The following CREBRF variants were observed in gnomAD, a reference collection of about 807,000 sequenced individuals.
CREBRF encodes the protein UPF0474 protein C5orf41.
Under a neutral mutation model 66.1 loss-of-function variants are expected in CREBRF, and 5 were observed. The observed-to-expected ratio is 0.08, with a 90% CI of 0.04 to 0.16. CREBRF has a LOEUF of 0.16. CREBRF is among the 10% of genes least tolerant of loss of function. The pLI is 1.00. For synonymous variants in CREBRF, 229 were observed against 264.4 expected (o/e 0.87, Z 1.30); for missense variants, 531 against 744.9 (o/e 0.71, Z 3.34).
rs1757040390 is a variant in CREBRF, at chr5:173,056,389, TAAAC to T, written c.-278_-275del. On this transcript the variant is annotated 5_prime_UTR_variant, in exon 1 of 9. Transcript: ENST00000296953. Reference sequence around the variant, plus strand: ...TTCCGGGAACCCGTCAGGAAGGACATAAACAAAACAAACCCGAGGCAGCATGGAG... The same window carrying T: ...TTCCGGGAACCCGTCAGGAAGGACATAAAACAAACCCGAGGCAGCATGGAG... 1 of 397,966 alleles carries T rather than the reference TAAAC, an allele frequency of 2.5e-6. No individual in the cohort carries two copies. Among genetic ancestry groups the T allele is most frequent in the Non-Finnish European group, 4.4e-6 (1 of 225,678 alleles). The allele number at this position is 397,966 out of a possible 1,614,324, so 24.7% of individuals were successfully genotyped here. A position where few individuals can be genotyped will look rare whatever the true frequency, so the allele number is the denominator to read the frequency against.
chr5:173,057,793 T>C (rs1006837216), intron 1 of CREBRF: 1 of 148,948 alleles, frequency 6.7e-6, no homozygotes, highest in Non-Finnish European at 1.5e-5. Flanking sequence ...CCGAGCAAGT[T>C]GAGGGCTGGG....
At chr5:173,082,935 A>G (rs981519786) in intron 2 of CREBRF, among the ~76,000 whole-genome samples, 1 of 143,022 alleles carries the variant, frequency 7.0e-6, no homozygotes, top group African/African-American at 2.6e-5. Flanking sequence ...AAAAAAAAAA[A>G]AAAAAAAAAA....
intron 7 of CREBRF, among the ~76,000 whole-genome samples, chr5:173,122,061 A>T (rs1189796151): frequency 6.6e-6 from 1 of 151,844 alleles, no homozygotes; most frequent in African/African-American, 2.4e-5. Flanking sequence ...ATACCCAGTA[A>T]TCTTGAGGGT....
intron 1 of CREBRF, among the ~76,000 whole-genome samples, chr5:173,068,907 GAA>G (rs761306299): frequency 2.2e-5 from 3 of 137,950 alleles, no homozygotes; most frequent in African/African-American, 5.3e-5. Flanking sequence ...CATCAGTACT[GAA>G]AAAAAAAAAA....
chr5:173,068,101 A>G (rs1018025224), intron 1 of CREBRF: 1 of 454,080 alleles, frequency 2.2e-6, no homozygotes, highest in Non-Finnish European at 4.4e-6. Flanking sequence ...TTTTATTAGC[A>G]TAATAACTTG....
intron 1 of CREBRF, among the ~76,000 whole-genome samples, chr5:173,066,002 G>C (rs1581657229): frequency 6.7e-6 from 1 of 150,116 alleles, no homozygotes; most frequent in Admixed American, 6.7e-5. Context: ...TATTTTTTTT[G>C]AGATGGGGTT....
At chr5:173,086,730 C>A in intron 3 of CREBRF, 104 bp downstream of exon 3, 2 of 943,920 alleles carry the variant, frequency 2.1e-6, no homozygotes, top group Non-Finnish European at 3.1e-6. Flanking sequence ...GTGCTTGGGC[C>A]AAGTTTGATT....
At chr5:173,124,131 T>G (rs1316170721) in intron 8 of CREBRF, 1 of 152,246 alleles carries the variant, frequency 6.6e-6, no homozygotes, top group Non-Finnish European at 1.5e-5. Flanking sequence ...TCTATATGTT[T>G]GGTAAGCTTA....
chr5:173,090,726 G>T lies in CREBRF; in HGVS notation c.547G>T (p.Ala183Ser). ...TAAAAAGATCACAAGCAGAGCAGCTGCTCCTGTGTGTTCTTCTAAGACTCT... is the reference window on the plus strand; with the variant it reads ...TAAAAAGATCACAAGCAGAGCAGCTTCTCCTGTGTGTTCTTCTAAGACTCT... ...PGKKITSRAA[A>S]PVCSSKTLQA... Residue 183 changes from alanine to serine, a missense_variant, in exon 4 of 9, where the codon GCT becomes TCT. Transcript: ENST00000296953. This position sits in a 1 kb window ranked among gnomAD's most constrained non-coding sequence, Gnocchi z 4.5. 6.2e-7 allele frequency: 1 copy of T among 1,614,136 alleles called. No homozygotes were observed. The highest frequency in any genetic ancestry group is 8.5e-7 in the Non-Finnish European group (1 of 1,180,012).
intron 1 of CREBRF, among the ~76,000 whole-genome samples, chr5:173,064,834 G>T (rs756867208): frequency 6.6e-6 from 1 of 152,066 alleles, no homozygotes; most frequent in Non-Finnish European, 1.5e-5. Context: ...AAAGTGCTGG[G>T]ATTACAGGTG....
chr5:173,114,759 C>T (rs1363098798), intron 7 of CREBRF, among the ~76,000 whole-genome samples: 1 of 152,178 alleles, frequency 6.6e-6, no homozygotes, highest in African/African-American at 2.4e-5. Flanking sequence ...TGTGTGAATC[C>T]TGTGGAAACT....
intron 7 of CREBRF, among the ~76,000 whole-genome samples, chr5:173,116,875 G>C (rs1190160533): frequency 6.6e-6 from 1 of 150,786 alleles, no homozygotes; most frequent in East Asian, 1.9e-4. Context: ...TTGGTCCACA[G>C]CCTTGCCAAC....
At chr5:173,093,731 TG>T (rs1758407235) in intron 4 of CREBRF, among the ~76,000 whole-genome samples, 1 of 152,204 alleles carries the variant, frequency 6.6e-6, no homozygotes, top group South Asian at 2.1e-4. Flanking sequence ...TGCCCAGGCA[TG>T]TCTTGAACTT....
At chr5:173,063,557 T>TG (rs1757345659) in intron 1 of CREBRF, among the ~76,000 whole-genome samples, 1 of 151,898 alleles carries the variant, frequency 6.6e-6, no homozygotes, top group Non-Finnish European at 1.5e-5. Context: ...TTAGTAGAGG[T>TG]GGGGTTTCGC....
chr5:173,056,514 G>A (rs1362981802), intron 1 of CREBRF, 35 bp downstream of exon 1: 11 of 398,100 alleles, frequency 2.8e-5, no homozygotes, highest in Non-Finnish European at 4.9e-5. Context: ...GAACCCCCAG[G>A]GGCCTGGGCT....
Position 173,090,216 on chromosome 5 carries a change from A to C in CREBRF, c.136-99A>C. Reference sequence around the variant, plus strand: ...CTGTCAGTAGCCTTTATGTTAAAACAGACCAAAAGTCAAGTATTGATTTAT... The same window carrying C: ...CTGTCAGTAGCCTTTATGTTAAAACCGACCAAAAGTCAAGTATTGATTTAT... On this transcript the variant is annotated intron_variant, in intron 3 of 8. Transcript: ENST00000296953. The surrounding 1 kb of genome is among the most constrained non-coding windows in gnomAD (Gnocchi z 4.5). The C allele has an allele frequency of 1.0e-6, 1 of 958,922 alleles. No homozygotes were observed. The allele number at this position is 958,922 out of a possible 1,614,324, so 59.4% of individuals were successfully genotyped here.
intron 7 of CREBRF, among the ~76,000 whole-genome samples, chr5:173,120,622 C>T (rs1281640569): frequency 6.7e-6 from 1 of 149,302 alleles, no homozygotes; most frequent in Non-Finnish European, 1.5e-5. Flanking sequence ...CTCAAGTGAT[C>T]CACCCATCTC....
chr5:173,086,678 G>T (rs745380832), intron 3 of CREBRF, 52 bp downstream of exon 3: 88 of 1,519,436 alleles, frequency 5.8e-5, no homozygotes, highest in Admixed American at 1.3e-4. Flanking sequence ...GTAAAAGTTT[G>T]TGGGAGAGTT....
intron 7 of CREBRF, among the ~76,000 whole-genome samples, chr5:173,116,360 C>G (rs1474846375): frequency 1.3e-5 from 2 of 152,164 alleles, no homozygotes; most frequent in Admixed American, 6.5e-5. Flanking sequence ...CCAAAAGATT[C>G]CTAGTGCCCC....
Sources: gnomAD v4.1 joint callset for allele counts (sites outside exome capture counted in the v4.1 genomes callset) on GRCh38, gnomAD v4.1.1 for gene constraint, Gnocchi (gnomAD v3.1) non-coding constraint, MANE v1.5 for transcripts, NCBI Gene and HGNC (gene_info 2026-07-23, HGNC 2026-07-21) for gene names.